Variants in CNTN5 observed in about 807,000 individuals in gnomAD.
CNTN5 encodes the protein contactin-5.
A neutral mutation model predicts 129.1 loss-of-function variants in CNTN5; 77 were observed. The observed-to-expected ratio is 0.60, with a 90% confidence interval of 0.50 to 0.72. The LOEUF is 0.72. Among genes scored for constraint, CNTN5 ranks in the 30% least tolerant of loss-of-function variants. CNTN5 has a pLI of 0.00. For missense variants in CNTN5, 1,478 were observed against 1,328.8 expected (o/e 1.11, Z -1.75); for synonymous variants, 509 against 465.6 (o/e 1.09, Z -1.20).
chr11:99,416,731 G>T (rs1942673909), intron 2 of CNTN5, among the ~76,000 whole-genome samples: 1 of 152,162 alleles, frequency 6.6e-6, no homozygotes. Flanking sequence ...CAGAGAAGGG[G>T]CTGTCTGCAA....
At chr11:99,279,154 T>A (rs1380594925) in intron 1 of CNTN5, among the ~76,000 whole-genome samples, 1 of 151,794 alleles carries the variant, frequency 6.6e-6, no homozygotes, top group Non-Finnish European at 1.5e-5. Context: ...ACATTTCGGT[T>A]ATATTTAATC....
intron 1 of CNTN5, among the ~76,000 whole-genome samples, chr11:99,230,806 C>G (rs915985786): frequency 6.6e-6 from 1 of 152,042 alleles, no homozygotes; most frequent in Non-Finnish European, 1.5e-5. Flanking sequence ...TTCTGATCCT[C>G]TCTCTCCCAC....
At chr11:99,671,046 C>T (rs117902206) in intron 3 of CNTN5, among the ~76,000 whole-genome samples, 7,608 of 152,148 alleles carry the variant, frequency 0.05, 216 homozygotes, top group Middle Eastern at 0.061. Context: ...ATATCATTCA[C>T]GTGTGCTTGC....
intron 3 of CNTN5, among the ~76,000 whole-genome samples, chr11:99,804,641 C>T (rs917472083): frequency 6.6e-6 from 1 of 151,088 alleles, no homozygotes; most frequent in Non-Finnish European, 1.5e-5. Context: ...AAATTCTTTA[C>T]ATAAGCCCCT....
At chr11:99,306,923 A>G (rs1023489504) in intron 1 of CNTN5, among the ~76,000 whole-genome samples, 4 of 152,082 alleles carry the variant, frequency 2.6e-5, no homozygotes, top group Non-Finnish European at 4.4e-5. Flanking sequence ...GATTGTTGTA[A>G]ATTTATTTGT....
chr11:99,398,200 G>GT (rs1302229878), intron 2 of CNTN5, among the ~76,000 whole-genome samples: 1 of 151,846 alleles, frequency 6.6e-6, no homozygotes, highest in African/African-American at 2.4e-5. Flanking sequence ...ATATTACAGA[G>GT]TGTTTTTTTG....
chr11:99,702,878 A>G (rs1954583043), intron 3 of CNTN5, among the ~76,000 whole-genome samples: 1 of 150,974 alleles, frequency 6.6e-6, no homozygotes, highest in South Asian at 2.1e-4. Context: ...ACTCTCATTT[A>G]TTTTTGTTTG....
chr11:100,233,302 A>G (rs1301135117), intron 16 of CNTN5, among the ~76,000 whole-genome samples: 3 of 151,760 alleles, frequency 2.0e-5, no homozygotes, highest in East Asian at 1.9e-4. Context: ...GGAGGAAGAA[A>G]GAAAGGAGTA....
At chr11:100,217,873 T>C (rs1949175984) in intron 15 of CNTN5, among the ~76,000 whole-genome samples, 1 of 152,066 alleles carries the variant, frequency 6.6e-6, no homozygotes, top group Admixed American at 6.6e-5. Flanking sequence ...ATGATGTGAG[T>C]TTAAATACTA....
chr11:99,981,095 T>C (rs1055873450), intron 8 of CNTN5, among the ~76,000 whole-genome samples: 2 of 87,678 alleles, frequency 2.3e-5, no homozygotes, highest in East Asian at 3.8e-4. Context: ...TATATATATA[T>C]ATATATATAC....
chr11:99,787,133 T>A lies in CNTN5; in HGVS notation c.56-32411T>A, dbSNP rs544174036. On this transcript the variant is annotated intron_variant, in intron 3 of 24. Transcript: ENST00000524871. Reference sequence around the variant, plus strand: ...ATTTATTTATTTATTATTATTATTATACTTTAAGTTTTAGGGTACATGTGC... The same window carrying A: ...ATTTATTTATTTATTATTATTATTAAACTTTAAGTTTTAGGGTACATGTGC... 2.6e-5 allele frequency among the ~76,000 whole-genome samples: 4 copies of A among 150,998 alleles called. No homozygotes were observed. In the South Asian group the frequency reaches 8.3e-4, roughly 31 times the overall value.
chr11:99,267,128 A>T (rs1427864031), intron 1 of CNTN5, among the ~76,000 whole-genome samples: 4 of 152,064 alleles, frequency 2.6e-5, no homozygotes, highest in African/African-American at 9.7e-5. Context: ...AATGACACTG[A>T]TACCACGAAG....
intron 2 of CNTN5, among the ~76,000 whole-genome samples, chr11:99,548,611 T>G (rs1948377467): frequency 6.6e-6 from 1 of 152,230 alleles, no homozygotes; most frequent in Non-Finnish European, 1.5e-5. Flanking sequence ...GGAGACATCC[T>G]CCGGCTAATG....
intron 3 of CNTN5, among the ~76,000 whole-genome samples, chr11:99,613,137 T>C (rs1950641425): frequency 6.6e-6 from 1 of 152,166 alleles, no homozygotes; most frequent in African/African-American, 2.4e-5. Flanking sequence ...AGGAGGATGA[T>C]ATGGTTAGGC....
chr11:100,249,427 G>A (rs1949914584), intron 16 of CNTN5, among the ~76,000 whole-genome samples: 1 of 152,052 alleles, frequency 6.6e-6, no homozygotes, highest in South Asian at 2.1e-4. Flanking sequence ...TCCTCCCCAT[G>A]AAGAAATGAA....
intron 6 of CNTN5, among the ~76,000 whole-genome samples, chr11:99,881,684 T>C (rs1436330776): frequency 6.6e-6 from 1 of 152,192 alleles, no homozygotes; most frequent in African/African-American, 2.4e-5. Flanking sequence ...AAGTGCTGCG[T>C]ATAAACTAAA....
At chr11:99,898,040 C>G (rs563665849) in intron 6 of CNTN5, among the ~76,000 whole-genome samples, 1 of 151,966 alleles carries the variant, frequency 6.6e-6, no homozygotes, top group South Asian at 2.1e-4. Context: ...AAAATAGCAA[C>G]ATAACATACA....
intron 2 of CNTN5, among the ~76,000 whole-genome samples, chr11:99,402,317 A>T (rs1023321319): frequency 1.6e-4 from 25 of 152,248 alleles, no homozygotes; most frequent in African/African-American, 5.8e-4. Context: ...TATAGTACCA[A>T]TTAAAATGAT....
At chr11:99,507,184 T>C (rs1467988529) in intron 2 of CNTN5, among the ~76,000 whole-genome samples, 1 of 151,990 alleles carries the variant, frequency 6.6e-6, no homozygotes, top group African/African-American at 2.4e-5. Context: ...GAGACCATCC[T>C]GGCCAACATG....
Sources: gnomAD v4.1 joint callset for allele counts (sites outside exome capture counted in the v4.1 genomes callset) on GRCh38, gnomAD v4.1.1 for gene constraint, MANE v1.5 for transcripts, NCBI Gene and HGNC (gene_info 2026-07-23, HGNC 2026-07-21) for gene names.